The following HMGA2 variants were observed in gnomAD, a reference collection of about 807,000 sequenced individuals.
The protein encoded by HMGA2 is high mobility group protein HMGI-C.
HMGA2 carries 8 observed loss-of-function variants against 19.1 expected under a neutral mutation model. That is an observed-to-expected ratio of 0.42 (90% CI 0.25 to 0.76). The LOEUF is 0.76. Ranked by LOEUF, HMGA2 falls within the 30% of genes least tolerant of loss-of-function variation. The pLI is 0.28. For synonymous variants in HMGA2, 60 were observed against 48.8 expected (o/e 1.23, Z -0.96); for missense variants, 109 against 136.3 (o/e 0.80, Z 1.00).
intron 3 of HMGA2, among the ~76,000 whole-genome samples, chr12:65,909,362 G>T (rs1475124927): frequency 6.6e-6 from 1 of 152,038 alleles, no homozygotes; most frequent in Non-Finnish European, 1.5e-5. Flanking sequence ...TTAAACTATG[G>T]ATTGCCTTCT....
At chr12:65,849,740 T>C (rs1871379497) in intron 3 of HMGA2, among the ~76,000 whole-genome samples, 1 of 142,340 alleles carries the variant, frequency 7.0e-6, no homozygotes, top group Non-Finnish European at 1.5e-5. Flanking sequence ...CTCTGTATTT[T>C]TTTTTTTTTT....
chr12:65,898,771 G>A (rs189738635), intron 3 of HMGA2, among the ~76,000 whole-genome samples: 1,648 of 152,182 alleles, frequency 0.011, 32 homozygotes, highest in African/African-American at 0.038. Flanking sequence ...GAGGCCGGGC[G>A]CAGTGGCTCA....
chr12:65,908,467 C>T (rs1477048474), intron 3 of HMGA2, among the ~76,000 whole-genome samples: 3 of 152,182 alleles, frequency 2.0e-5, no homozygotes, highest in Non-Finnish European at 4.4e-5. Context: ...TTTCCCTTCA[C>T]ATCCTTTCTT....
chr12:65,911,622 C>T lies in HMGA2; in HGVS notation c.250-39761C>T, dbSNP rs191079019. ...CTTAGCATGTTCGATTCCACAAACACGGCTTATTCCAAAAGCCAATCCTCC... is the reference window on the plus strand; with the variant it reads ...CTTAGCATGTTCGATTCCACAAACATGGCTTATTCCAAAAGCCAATCCTCC... On this transcript the variant is annotated intron_variant, in intron 3 of 4. Coordinates refer to ENST00000403681, the MANE Select transcript of HMGA2 (RefSeq NM_003483.6). Among the ~76,000 whole-genome samples the T allele has an allele frequency of 2.8e-4, 42 of 152,264 alleles. 1 individual carries two copies. Among genetic ancestry groups the T allele is most frequent in the African/African-American group, 9.4e-4 (39 of 41,542 alleles).
intron 3 of HMGA2, chr12:65,860,127 G>T (rs1871977686): frequency 5.0e-6 from 2 of 402,564 alleles, no homozygotes; most frequent in Non-Finnish European, 1.0e-5. Flanking sequence ...AGGAAAAAGG[G>T]CATTTAAGAC....
At chr12:65,908,770 A>T (rs1874713543) in intron 3 of HMGA2, among the ~76,000 whole-genome samples, 2 of 152,224 alleles carry the variant, frequency 1.3e-5, no homozygotes, top group Non-Finnish European at 2.9e-5. Context: ...TAGTCAATTC[A>T]CAAACAGACT....
intron 3 of HMGA2, among the ~76,000 whole-genome samples, chr12:65,933,776 A>AT (rs1041635513): frequency 4.5e-4 from 68 of 152,294 alleles, no homozygotes; most frequent in Admixed American, 5.2e-4. Flanking sequence ...AACAGTGACA[A>AT]TTTTTCCCTA....
intron 2 of HMGA2, among the ~76,000 whole-genome samples, chr12:65,833,416 T>G (rs985149196): frequency 2.1e-4 from 31 of 150,790 alleles, no homozygotes; most frequent in African/African-American, 6.1e-4. Flanking sequence ...TTTTCTAGTT[T>G]TTTTTTTTTT....
At chr12:65,904,977 G>A (rs1486293453) in intron 3 of HMGA2, among the ~76,000 whole-genome samples, 1 of 152,024 alleles carries the variant, frequency 6.6e-6, no homozygotes, top group Non-Finnish European at 1.5e-5. Flanking sequence ...GAGAGGCAGA[G>A]GTTGCAGTGA....
intron 3 of HMGA2, among the ~76,000 whole-genome samples, chr12:65,847,484 G>A (rs902978240): frequency 2.6e-5 from 4 of 152,112 alleles, no homozygotes. Flanking sequence ...AGCCCTTTGT[G>A]TTTTAAAATG....
chr12:65,860,965 G>A (rs1872028781), intron 3 of HMGA2, among the ~76,000 whole-genome samples: 1 of 152,152 alleles, frequency 6.6e-6, no homozygotes, highest in Non-Finnish European at 1.5e-5. Flanking sequence ...TGCCACACAT[G>A]GTGTTTGACT....
chr12:65,928,378 T>C (rs1875589606), intron 3 of HMGA2, among the ~76,000 whole-genome samples: 1 of 152,148 alleles, frequency 6.6e-6, no homozygotes, highest in Admixed American at 6.5e-5. Context: ...TCTGGGTGAG[T>C]CAGTGAGTGA....
chr12:65,877,549 C>T (rs1015033476), intron 3 of HMGA2, among the ~76,000 whole-genome samples: 1 of 152,286 alleles, frequency 6.6e-6, no homozygotes, highest in Non-Finnish European at 1.5e-5. Context: ...CAAAGTTCAT[C>T]CCGCTGTACA....
rs1336354417 is a variant in HMGA2 at position 65,963,700 on chromosome 12, T to C, written c.*408T>C. 2 of 367,236 alleles carry C rather than the reference T, an allele frequency of 5.4e-6. No homozygotes were observed. The highest frequency in any genetic ancestry group is 5.0e-6 in the Non-Finnish European group (1 of 198,100). 22.7% of individuals were successfully genotyped at this position (367,236 alleles called of 1,614,324 possible). ...GCAAACAAGAAACGTGTCACACTTGTGACGTCGGGCATTCATATAGGAAGA... is the reference window on the plus strand; with the variant it reads ...GCAAACAAGAAACGTGTCACACTTGCGACGTCGGGCATTCATATAGGAAGA... On this transcript the variant is annotated 3_prime_UTR_variant, in exon 5 of 5. Transcript: ENST00000403681.
intron 1 of HMGA2, chr12:65,827,105 C>T (rs898086096): frequency 6.6e-6 from 1 of 152,180 alleles, no homozygotes; most frequent in Non-Finnish European, 1.5e-5. Context: ...ATCGCATTCT[C>T]TTAACCACTT....
chr12:65,912,690 TG>T (rs1874898528), intron 3 of HMGA2, among the ~76,000 whole-genome samples: 1 of 152,218 alleles, frequency 6.6e-6, no homozygotes, highest in South Asian at 2.1e-4. Context: ...GCATAGGTTT[TG>T]ATTCTGGAAA....
chr12:65,932,704 A>G (rs1875758907), intron 3 of HMGA2, among the ~76,000 whole-genome samples: 1 of 152,216 alleles, frequency 6.6e-6, no homozygotes, highest in African/African-American at 2.4e-5. Flanking sequence ...CTCCTTGAAT[A>G]GTACTACAGA....
At chr12:65,870,457 G>C (rs1023630742) in intron 3 of HMGA2, among the ~76,000 whole-genome samples, 1 of 152,178 alleles carries the variant, frequency 6.6e-6, no homozygotes, top group Non-Finnish European at 1.5e-5. Context: ...GGGGGCAGGC[G>C]TGGTGGCTCA....
At chr12:65,914,805 G>A in intron 3 of HMGA2, 1 of 416,552 alleles carries the variant, frequency 2.4e-6, no homozygotes, top group South Asian at 2.1e-5. Flanking sequence ...CTCCTGAGTA[G>A]TTGGGATTAC....
Sources: gnomAD v4.1 joint callset for allele counts (sites outside exome capture counted in the v4.1 genomes callset) on GRCh38, gnomAD v4.1.1 for gene constraint, MANE v1.5 for transcripts, NCBI Gene and HGNC (gene_info 2026-07-23, HGNC 2026-07-21) for gene names.